Variants in TMEM232 observed in about 807,000 individuals in gnomAD.
TMEM232 encodes the protein transmembrane protein 232.
A neutral mutation model predicts 78.8 loss-of-function variants in TMEM232; 80 were observed. That is an observed-to-expected ratio of 1.01 (90% CI 0.85 to 1.22). TMEM232 has a LOEUF of 1.22. Among genes scored for constraint, TMEM232 ranks in the 50% most tolerant of loss-of-function variants. The probability of loss-of-function intolerance (pLI) is 0.00; values close to 1 mark genes in which losing one functional copy is unlikely to be tolerated. For synonymous variants in TMEM232, 297 were observed against 254.3 expected (o/e 1.17, Z -1.60); for missense variants, 881 against 742.2 (o/e 1.19, Z -2.17).
chr5:110,520,146 A>C (rs2149496296), intron 12 of TMEM232, among the ~76,000 whole-genome samples: 1 of 151,856 alleles, frequency 6.6e-6, no homozygotes, highest in East Asian at 1.9e-4. Context: ...TGTATATTTC[A>C]AAATAAAAGG....
At chr5:110,391,624 G>A (rs1405422920) in intron 3 of TMEM232, among the ~76,000 whole-genome samples, 3 of 152,124 alleles carry the variant, frequency 2.0e-5, no homozygotes, top group African/African-American at 7.2e-5. Context: ...AAGGATTTGG[G>A]ATGGAAAGTT....
At chr5:110,639,085 A>G (rs1786310404) in intron 4 of TMEM232, among the ~76,000 whole-genome samples, 1 of 152,168 alleles carries the variant, frequency 6.6e-6, no homozygotes, top group East Asian at 1.9e-4. Context: ...AAGAACCCTG[A>G]CATGCTCAAG....
intron 1 of TMEM232, among the ~76,000 whole-genome samples, chr5:110,678,285 G>A (rs754749234): frequency 6.6e-5 from 10 of 151,922 alleles, no homozygotes; most frequent in Non-Finnish European, 1.2e-4. Context: ...GGATGGTCTC[G>A]AACTCCTGAC....
intron 7 of TMEM232, among the ~76,000 whole-genome samples, chr5:110,620,795 T>G (rs1783633438): frequency 6.6e-6 from 1 of 150,984 alleles, no homozygotes; most frequent in African/African-American, 2.4e-5. Context: ...CTGCCACACC[T>G]GCGAATTTTC....
At chr5:110,691,174 T>C (rs1794079021) in intron 1 of TMEM232, among the ~76,000 whole-genome samples, 1 of 150,362 alleles carries the variant, frequency 6.7e-6, no homozygotes, top group South Asian at 2.1e-4. Context: ...GAAAGGAAGC[T>C]TTGGACAATG....
intron 11 of TMEM232, among the ~76,000 whole-genome samples, chr5:110,531,371 G>C (rs1442779715): frequency 1.3e-5 from 2 of 152,176 alleles, no homozygotes; most frequent in African/African-American, 4.8e-5. Flanking sequence ...CCTCCCTTGG[G>C]AGATCAATCC....
chr5:110,728,277 T>C (rs1179693329), upstream of TMEM232, among the ~76,000 whole-genome samples: 1 of 151,818 alleles, frequency 6.6e-6, no homozygotes, highest in Non-Finnish European at 1.5e-5. Context: ...ATTTTATATA[T>C]GTATCTACTG....
chr5:110,643,125 T>C (rs1434038614), intron 2 of TMEM232, among the ~76,000 whole-genome samples: 1 of 152,012 alleles, frequency 6.6e-6, no homozygotes, highest in Non-Finnish European at 1.5e-5. Context: ...AATTAGAAAT[T>C]AGGCATGAGA....
At chr5:110,650,533 A>C (rs879870485) in intron 2 of TMEM232, among the ~76,000 whole-genome samples, 9 of 152,166 alleles carry the variant, frequency 5.9e-5, no homozygotes, top group Non-Finnish European at 1.2e-4. Context: ...TGATGTGATG[A>C]GAATGGTGCT....
At chr5:110,718,696 T>C (rs1288495920) in intron 1 of TMEM232, among the ~76,000 whole-genome samples, 2 of 152,164 alleles carry the variant, frequency 1.3e-5, no homozygotes, top group East Asian at 1.9e-4. Context: ...TACTCCTTTC[T>C]CTTTCTCTTC....
intron 2 of TMEM232, among the ~76,000 whole-genome samples, chr5:110,649,113 A>G (rs1787932937): frequency 6.6e-6 from 1 of 152,156 alleles, no homozygotes; most frequent in African/African-American, 2.4e-5. Flanking sequence ...ATGAAAAATT[A>G]AACAAACTGC....
intron 10 of TMEM232, among the ~76,000 whole-genome samples, chr5:110,596,254 G>T (rs1233416032): frequency 6.6e-6 from 1 of 152,162 alleles, no homozygotes; most frequent in East Asian, 1.9e-4. Context: ...AAATAAACTA[G>T]AAAATCTAGA....
At chr5:110,518,803 G>A (rs1181720312) in intron 12 of TMEM232, among the ~76,000 whole-genome samples, 1 of 152,022 alleles carries the variant, frequency 6.6e-6, no homozygotes, top group Non-Finnish European at 1.5e-5. Flanking sequence ...AAATGCCAAG[G>A]AAGAAACTTT....
chr5:110,546,013 C>G lies in TMEM232; in HGVS notation c.1456-17178G>C, dbSNP rs1773735206. Among the ~76,000 whole-genome samples the G allele has an allele frequency of 2.0e-5, 3 of 151,868 alleles. No individual in the cohort carries two copies. The South Asian group carries it at 6.2e-4, about 32-fold the overall frequency. The stretch of plus-strand genomic sequence containing the variant: ...ATATGACAGTTTTTTTATTTCTTTC[C>G]CAAATACTCAGGCAACAGTTGGGTT... On this transcript the variant is annotated intron_variant, in intron 11 of 13. Transcript: ENST00000455884.
chr5:110,454,876 G>GTA (rs1760727445), intron 12 of TMEM232, among the ~76,000 whole-genome samples: 1 of 149,272 alleles, frequency 6.7e-6, no homozygotes, highest in Non-Finnish European at 1.5e-5. Context: ...AAACAATAGA[G>GTA]TAATTGAAAA....
At chr5:110,500,015 G>A (rs1766071197) in intron 12 of TMEM232, among the ~76,000 whole-genome samples, 1 of 152,128 alleles carries the variant, frequency 6.6e-6, no homozygotes, top group South Asian at 2.1e-4. Flanking sequence ...TTATTGGCCA[G>A]GCGCGGTGGC....
intron 12 of TMEM232, among the ~76,000 whole-genome samples, chr5:110,441,953 C>T (rs1759095593): frequency 6.6e-6 from 1 of 151,652 alleles, no homozygotes; most frequent in Non-Finnish European, 1.5e-5. Flanking sequence ...GCCACTCTCT[C>T]CTGGCCTGTA....
chr5:110,577,779 CA>C (rs1466138928), intron 10 of TMEM232, among the ~76,000 whole-genome samples: 1 of 151,898 alleles, frequency 6.6e-6, no homozygotes, highest in East Asian at 1.9e-4. Flanking sequence ...AACAGAAAAC[CA>C]AATACTGCCT....
chr5:110,733,793 T>C (rs1326947910), intron 2 of TMEM232, among the ~76,000 whole-genome samples: 2 of 152,192 alleles, frequency 1.3e-5, no homozygotes, highest in Non-Finnish European at 2.9e-5. Flanking sequence ...GACATAAATT[T>C]AGCTACATAA....
Sources: allele counts gnomAD v4.1 joint callset (sites outside exome capture counted in the v4.1 genomes callset), GRCh38; gene constraint gnomAD v4.1.1; transcripts MANE v1.5; gene names NCBI Gene and HGNC (gene_info 2026-07-23, HGNC 2026-07-21).